The following CDKAL1 variants were observed in gnomAD, a reference collection of about 807,000 sequenced individuals.
The protein encoded by CDKAL1 is threonylcarbamoyladenosine tRNA methylthiotransferase.
In CDKAL1, 32 loss-of-function variants were observed where a neutral mutation model predicts 68.2. The observed-to-expected ratio is 0.47, with a 90% CI of 0.35 to 0.63. CDKAL1 has a LOEUF of 0.63. CDKAL1 is among the 30% of genes least tolerant of loss of function. The probability of loss-of-function intolerance (pLI) is 0.00; values close to 1 mark genes in which losing one functional copy is unlikely to be tolerated. For synonymous variants in CDKAL1, 234 were observed against 244.3 expected, an observed-to-expected ratio of 0.96 and a Z score of 0.39; for missense variants, 606 against 696.7, an observed-to-expected ratio of 0.87 and a Z score of 1.47.
chr6:21,159,706 G>C (rs755024295), intron 13 of CDKAL1, among the ~76,000 whole-genome samples: 1 of 152,216 alleles, frequency 6.6e-6, no homozygotes, highest in Non-Finnish European at 1.5e-5. Context: ...GGTTCTCACA[G>C]ATAATCCACT....
intron 9 of CDKAL1, among the ~76,000 whole-genome samples, chr6:20,950,082 C>A (rs891221307): frequency 1.3e-5 from 2 of 151,736 alleles, no homozygotes; most frequent in Non-Finnish European, 2.9e-5. Flanking sequence ...GAGCGCCCGG[C>A]CTCAAAGAGG....
Position 21,209,584 on chromosome 6 carries a change from G to A in CDKAL1, c.1548+8310G>A, listed in dbSNP as rs549789427. 9.8e-5 allele frequency among the ~76,000 whole-genome samples: 15 copies of A among 152,302 alleles called. 1 individual carries two copies. The South Asian group carries it at 2.7e-3, about 27-fold the overall frequency. The stretch of plus-strand genomic sequence containing the variant: ...GTAGGGAGGGATTGGTGTGAGGGAA[G>A]TGGTCTTGTATAGGTATGCTAGCTC... On this transcript the variant is annotated intron_variant, in intron 15 of 15. Transcript: ENST00000274695.
chr6:20,814,695 A>G (rs1472861497), intron 8 of CDKAL1, among the ~76,000 whole-genome samples: 2 of 152,144 alleles, frequency 1.3e-5, no homozygotes, highest in African/African-American at 2.4e-5. Context: ...TCAATGCCCT[A>G]TGTATTAGGA....
At chr6:20,721,667 T>A (rs1286589946) in intron 5 of CDKAL1, among the ~76,000 whole-genome samples, 1 of 151,906 alleles carries the variant, frequency 6.6e-6, no homozygotes, top group Non-Finnish European at 1.5e-5. Flanking sequence ...TGTACTAGTT[T>A]ACATTCCCAC....
chr6:20,693,129 CAAAAAAA>C (rs70990059), intron 5 of CDKAL1, among the ~76,000 whole-genome samples: 18 of 67,616 alleles, frequency 2.7e-4, no homozygotes, highest in Non-Finnish European at 5.0e-4. Context: ...GACTCTGTCT[CAAAAAAA>C]AAAAAAAAAA....
chr6:21,116,448 C>T (rs1221760253), intron 13 of CDKAL1, among the ~76,000 whole-genome samples: 4 of 152,174 alleles, frequency 2.6e-5, no homozygotes, highest in African/African-American at 9.7e-5. Context: ...ACTCATTTAT[C>T]TTTATACCAA....
chr6:20,970,017 A>C (rs1765515476), intron 10 of CDKAL1, among the ~76,000 whole-genome samples: 2 of 151,952 alleles, frequency 1.3e-5, no homozygotes, highest in African/African-American at 4.8e-5. Flanking sequence ...CCTGATGTTA[A>C]ACAATTGCAG....
chr6:21,022,362 G>A (rs964270058), intron 11 of CDKAL1, among the ~76,000 whole-genome samples: 2 of 152,240 alleles, frequency 1.3e-5, no homozygotes, highest in East Asian at 1.9e-4. Flanking sequence ...GCAGTGCAGG[G>A]GGTAAATTAT....
At chr6:20,641,742 G>A (rs760731266) in intron 4 of CDKAL1, among the ~76,000 whole-genome samples, 6 of 152,132 alleles carry the variant, frequency 3.9e-5, no homozygotes, top group South Asian at 2.1e-4. Context: ...AACCAGTGTC[G>A]TTATAGTGGA....
At chr6:20,783,511 C>T (rs1439061661) in intron 8 of CDKAL1, among the ~76,000 whole-genome samples, 1 of 152,204 alleles carries the variant, frequency 6.6e-6, no homozygotes, top group Non-Finnish European at 1.5e-5. Context: ...AGATTCTTCT[C>T]TGTCTTGACT....
At chr6:20,724,758 C>G (rs1385960992) in intron 5 of CDKAL1, among the ~76,000 whole-genome samples, 1 of 152,158 alleles carries the variant, frequency 6.6e-6, no homozygotes, top group Non-Finnish European at 1.5e-5. Context: ...AGATTGGGAT[C>G]TCATAGTACT....
intron 8 of CDKAL1, among the ~76,000 whole-genome samples, chr6:20,813,793 T>C (rs1158706155): frequency 1.3e-5 from 2 of 152,218 alleles, no homozygotes; most frequent in Non-Finnish European, 2.9e-5. Context: ...GTTCCATTGT[T>C]CTGTATATCT....
At chr6:20,678,091 GT>G (rs11371206) in intron 5 of CDKAL1, among the ~76,000 whole-genome samples, 13,661 of 144,384 alleles carry the variant, frequency 0.095, 1,973 homozygotes, top group African/African-American at 0.32. Context: ...GATCTGTGTT[GT>G]TTTTTTTTTT....
intron 4 of CDKAL1, among the ~76,000 whole-genome samples, chr6:20,609,436 C>T (rs1581813776): frequency 6.9e-6 from 1 of 145,168 alleles, no homozygotes; most frequent in Non-Finnish European, 1.5e-5. Context: ...CACTCTGTCA[C>T]CCAGGCTAGA....
intron 5 of CDKAL1, among the ~76,000 whole-genome samples, chr6:20,690,586 G>A (rs1393427196): frequency 6.6e-6 from 1 of 152,056 alleles, no homozygotes; most frequent in Admixed American, 6.5e-5. Context: ...TGGAGATTGG[G>A]ATGACAGCTC....
At chr6:21,028,602 G>A (rs1769090365) in intron 11 of CDKAL1, among the ~76,000 whole-genome samples, 1 of 152,012 alleles carries the variant, frequency 6.6e-6, no homozygotes, top group South Asian at 2.1e-4. Context: ...ATCAGCTCAG[G>A]GCTCCACCCT....
intron 5 of CDKAL1, among the ~76,000 whole-genome samples, chr6:20,732,578 T>C (rs765895560): frequency 6.6e-6 from 1 of 151,996 alleles, no homozygotes; most frequent in Non-Finnish European, 1.5e-5. Flanking sequence ...TGAGCCACTA[T>C]GCCTGGCTGA....
At chr6:20,923,449 G>T (rs974893120) in intron 9 of CDKAL1, among the ~76,000 whole-genome samples, 1 of 152,008 alleles carries the variant, frequency 6.6e-6, no homozygotes, top group Non-Finnish European at 1.5e-5. Context: ...ATTTATTATG[G>T]TGATCTGTGA....
Position 21,000,224 on chromosome 6 carries a change from A to G in CDKAL1, c.910-3A>G. 1 of 1,605,510 alleles carries G rather than the reference A, an allele frequency of 6.2e-7. No individual in the cohort carries two copies. The highest frequency in any genetic ancestry group is 1.1e-5 in the South Asian group (1 of 88,962). ...TAGTGTTTTCTCCTTCCATTTTTTT[A>G]AGGAAATGGCAAAAATCCTTAATCA... On this transcript the variant is annotated splice_region_variant and splice_polypyrimidine_tract_variant and intron_variant, in intron 10 of 15. Transcript: ENST00000274695.
Sources: allele counts gnomAD v4.1 joint callset (sites outside exome capture counted in the v4.1 genomes callset), GRCh38; gene constraint gnomAD v4.1.1; transcripts MANE v1.5; gene names NCBI Gene and HGNC (gene_info 2026-07-23, HGNC 2026-07-21).